The following COLGALT2 variants were observed in gnomAD, a reference collection of about 807,000 sequenced individuals.
The protein encoded by COLGALT2 is procollagen galactosyltransferase 2.
COLGALT2 carries 49 observed loss-of-function variants against 73.4 expected under a neutral mutation model. The ratio of observed to expected loss-of-function variants is 0.67; its 90% CI spans 0.53 to 0.85. COLGALT2 has a LOEUF of 0.85. COLGALT2 is among the 40% of genes least tolerant of loss of function. The pLI, the probability that COLGALT2 is intolerant of heterozygous loss-of-function variation, is 0.00. For synonymous variants in COLGALT2, 295 were observed against 307.6 expected, an observed-to-expected ratio of 0.96 and a Z score of 0.43; for missense variants, 722 against 790.2, an observed-to-expected ratio of 0.91 and a Z score of 1.03.
intron 1 of COLGALT2, among the ~76,000 whole-genome samples, chr1:184,031,253 A>C (rs1557868267): frequency 6.6e-6 from 1 of 152,204 alleles, no homozygotes; most frequent in Non-Finnish European, 1.5e-5. Context: ...GATTAGTGCC[A>C]CCTTAATCAT....
chr1:184,011,966 TAAGAA>T (rs1367734658), intron 1 of COLGALT2, among the ~76,000 whole-genome samples: 2 of 152,174 alleles, frequency 1.3e-5, no homozygotes, highest in African/African-American at 4.8e-5. Flanking sequence ...AAGAAAACTA[TAAGAA>T]AATAAGGGAA....
chr1:183,945,588 G>C (rs751213500), intron 8 of COLGALT2, 24 bp from the exon 9 acceptor site: 1 of 1,612,736 alleles, frequency 6.2e-7, no homozygotes, highest in South Asian at 1.1e-5. Context: ...AACACGTCTG[G>C]AGATTAACAA....
At chr1:183,975,546 G>T (rs1304955500) in intron 2 of COLGALT2, among the ~76,000 whole-genome samples, 2 of 152,110 alleles carry the variant, frequency 1.3e-5, no homozygotes, top group African/African-American at 4.8e-5. Context: ...TACACAATGG[G>T]GCACAATCAA....
At chr1:184,030,928 C>G (rs1649494702) in intron 1 of COLGALT2, among the ~76,000 whole-genome samples, 1 of 152,172 alleles carries the variant, frequency 6.6e-6, no homozygotes, top group South Asian at 2.1e-4. Context: ...CTTTAGATGC[C>G]TCATCATGGA....
At chr1:183,967,054 A>G (rs1471226128) in intron 5 of COLGALT2, among the ~76,000 whole-genome samples, 1 of 152,224 alleles carries the variant, frequency 6.6e-6, no homozygotes, top group Non-Finnish European at 1.5e-5. Context: ...TTGCTTTGAA[A>G]CTAAGGAAGG....
At chr1:184,027,466 C>G (rs1206269890) in intron 1 of COLGALT2, among the ~76,000 whole-genome samples, 2 of 152,136 alleles carry the variant, frequency 1.3e-5, no homozygotes, top group Non-Finnish European at 2.9e-5. Flanking sequence ...AACAAATGCT[C>G]CAGGTATTGT....
chr1:183,972,755 A>C (rs1456313463), intron 4 of COLGALT2, among the ~76,000 whole-genome samples: 2 of 151,278 alleles, frequency 1.3e-5, no homozygotes, highest in East Asian at 3.9e-4. Flanking sequence ...GCTGGAGCGC[A>C]GTGGCGCGAC....
At chr1:183,994,026 CTTTTTTTTTTTTT>C (rs869129633) in intron 1 of COLGALT2, among the ~76,000 whole-genome samples, 13 of 70,042 alleles carry the variant, frequency 1.9e-4, no homozygotes, top group South Asian at 1.6e-3. Context: ...TCTTGTAATT[CTTTTTTTTTTTTT>C]TTTTTTTTTT....
intron 1 of COLGALT2, among the ~76,000 whole-genome samples, chr1:183,994,702 G>A (rs1217643418): frequency 3.9e-5 from 6 of 152,030 alleles, no homozygotes; most frequent in Admixed American, 2.0e-4. Flanking sequence ...TAATCCGCCC[G>A]CCTTGGCCTC....
intron 1 of COLGALT2, among the ~76,000 whole-genome samples, chr1:184,023,188 T>G (rs576061533): frequency 5.3e-5 from 8 of 152,380 alleles, no homozygotes; most frequent in Admixed American, 2.6e-4. Flanking sequence ...TTGACTTTTC[T>G]GTAGCATATA....
In COLGALT2 at chr1:183,938,983, T is replaced by C. The variant is rs1350203784; in HGVS notation, c.1659A>G (p.Glu553=). The change falls in exon 12 of 12, where the codon GAA becomes GAG. Residue 553 remains glutamate (E), a synonymous_variant. Transcript: ENST00000361927. ...AGTGCGTAGGGTAGATGAGCAAGGG[T>C]TCTGCAGAGAAGGCTTTCAGGTCCC... ...ESRDLKAFSA[E]PLLIYPTHYT... The C allele has an allele frequency of 6.2e-7, 1 of 1,613,688 alleles. No individual in the cohort carries two copies. The highest frequency in any genetic ancestry group is 8.5e-7 in the Non-Finnish European group (1 of 1,179,984).
intron 1 of COLGALT2, among the ~76,000 whole-genome samples, chr1:184,031,242 T>G (rs1002078961): frequency 6.6e-6 from 1 of 152,228 alleles, no homozygotes; most frequent in Non-Finnish European, 1.5e-5. Flanking sequence ...AATACGTGTA[T>G]GATTAGTGCC....
At chr1:183,931,196 T>C (rs1015502342), downstream of COLGALT2, among the ~76,000 whole-genome samples, 2 of 152,186 alleles carry the variant, frequency 1.3e-5, no homozygotes, top group African/African-American at 2.4e-5. Context: ...GGCCAGGCAC[T>C]GAATGGAGGA....
In COLGALT2 at chr1:183,944,277, A is replaced by G; in HGVS notation, c.1316T>C (p.Val439Ala). 1 of 1,614,082 alleles carries G rather than the reference A, an allele frequency of 6.2e-7. No homozygotes were observed. Among genetic ancestry groups the G allele is most frequent in the African/African-American group, 1.3e-5 (1 of 75,062 alleles). The change falls in exon 10 of 12, where the codon GTG becomes GCG. Residue 439 changes from valine to alanine, a missense_variant. Physicochemically the swap from Val to Ala is moderately conservative, Grantham distance 64 (BLOSUM62 0). Coordinates refer to ENST00000361927, the MANE Select transcript of COLGALT2 (RefSeq NM_015101.4). ...LEKTLVIEDD[V>A]RFEHQFKKKL... Reference sequence around the variant, plus strand: ...CTTCTTAAACTGATGCTCAAAACGCACATCGTCTTCAATTACAAGAGTCTT... The same window carrying G: ...CTTCTTAAACTGATGCTCAAAACGCGCATCGTCTTCAATTACAAGAGTCTT...
chr1:184,036,036 G>A (rs1482534183), intron 1 of COLGALT2, among the ~76,000 whole-genome samples: 1 of 152,084 alleles, frequency 6.6e-6, no homozygotes, highest in African/African-American at 2.4e-5. Context: ...GATGTGTCTC[G>A]CCTGAGAACA....
intron 7 of COLGALT2, among the ~76,000 whole-genome samples, chr1:183,953,882 T>C (rs1670479541): frequency 6.6e-6 from 1 of 152,216 alleles, no homozygotes. Context: ...GACATGTACA[T>C]ATATGTATGT....
downstream of COLGALT2, among the ~76,000 whole-genome samples, chr1:183,935,261 T>G (rs1669925431): frequency 6.6e-6 from 1 of 152,254 alleles, no homozygotes. Flanking sequence ...GGCAGCCACC[T>G]GCTTTATGTT....
downstream of COLGALT2, among the ~76,000 whole-genome samples, chr1:183,935,178 C>T (rs951040875): frequency 2.6e-5 from 4 of 152,222 alleles, no homozygotes; most frequent in Non-Finnish European, 5.9e-5. Context: ...CAAATGTCAC[C>T]TTCTCAGCAG....
At chr1:183,995,366 A>G (rs1002887521) in intron 1 of COLGALT2, among the ~76,000 whole-genome samples, 1 of 152,268 alleles carries the variant, frequency 6.6e-6, no homozygotes, top group African/African-American at 2.4e-5. Context: ...ACATATAGTC[A>G]TGTCTGAACA....
Sources: allele counts gnomAD v4.1 joint callset (sites outside exome capture counted in the v4.1 genomes callset), GRCh38; gene constraint gnomAD v4.1.1; transcripts MANE v1.5; gene names NCBI Gene and HGNC (gene_info 2026-07-23, HGNC 2026-07-21).